HMBOX1: variants seen among roughly 807,000 people sequenced by gnomAD.
HMBOX1 encodes homeobox containing 1.
Under a neutral mutation model 54.5 loss-of-function variants are expected in HMBOX1, and 14 were observed. The ratio of observed to expected loss-of-function variants is 0.26; its 90% CI spans 0.17 to 0.40. The LOEUF (loss-of-function observed/expected upper bound fraction) is 0.40, where lower values mean the gene tolerates loss of function less well. Among genes scored for constraint, HMBOX1 ranks in the 10% least tolerant of loss-of-function variants. HMBOX1 has a pLI of 1.00. For synonymous variants in HMBOX1, 160 were observed against 181.0 expected (o/e 0.88, Z 0.93); for missense variants, 332 against 514.4 (o/e 0.65, Z 3.43).
Position 28,937,505 on chromosome 8 carries a change from A to G in HMBOX1, c.-57-26306A>G, listed in dbSNP as rs575702411. 3.9e-5 allele frequency among the ~76,000 whole-genome samples: 6 copies of G among 152,330 alleles called. No individual in the cohort carries two copies. The East Asian group carries it at 1.2e-3, about 29-fold the overall frequency. ...AAAAGTCCTTTTTGTTTATGAAAAT[A>G]GAGTGCAACCCAACACATTTTCTTC... is the stretch of plus-strand genomic sequence containing the variant. On this transcript the variant is annotated intron_variant, in intron 1 of 9. Transcript: ENST00000287701.
chr8:28,966,398 G>A (rs1305953144), intron 2 of HMBOX1, among the ~76,000 whole-genome samples: 1 of 152,022 alleles, frequency 6.6e-6, no homozygotes, highest in Non-Finnish European at 1.5e-5. Flanking sequence ...ATTATTGTTG[G>A]CCTGAGTCTG....
At chr8:28,954,739 G>A (rs1053475892) in intron 1 of HMBOX1, among the ~76,000 whole-genome samples, 11 of 152,106 alleles carry the variant, frequency 7.2e-5, no homozygotes, top group African/African-American at 2.7e-4. Context: ...CCCTAATGAT[G>A]TACTTACACG....
chr8:28,979,463 T>C (rs17525498), intron 3 of HMBOX1, among the ~76,000 whole-genome samples: 6,521 of 152,330 alleles, frequency 0.043, 211 homozygotes, highest in Middle Eastern at 0.071. Context: ...AATGCCTTTT[T>C]AGTACTAAAA....
At chr8:28,947,368 A>G (rs1053441745) in intron 1 of HMBOX1, among the ~76,000 whole-genome samples, 19 of 152,152 alleles carry the variant, frequency 1.2e-4, no homozygotes, top group African/African-American at 4.3e-4. Context: ...GGTTATTCTG[A>G]ATTATATATT....
chr8:28,965,017 T>A (rs540821231), intron 2 of HMBOX1, among the ~76,000 whole-genome samples: 1 of 152,346 alleles, frequency 6.6e-6, no homozygotes, highest in South Asian at 2.1e-4. Flanking sequence ...GCCTAGAAGT[T>A]TCTGAGATAG....
chr8:29,051,245 T>C lies in HMBOX1; in HGVS notation c.*90T>C, dbSNP rs1375499914. 27 of 1,415,272 alleles carry C rather than the reference T, an allele frequency of 1.9e-5. No homozygotes were observed. Among genetic ancestry groups the C allele is most frequent in the Non-Finnish European group, 2.6e-5 (27 of 1,030,216 alleles). The allele number at this position is 1,415,272 out of a possible 1,614,324, so 87.7% of individuals were successfully genotyped here. Reference sequence around the variant, plus strand: ...GTCCTTAACATGTGTTCTTACAGTATAACTTGCAGTTTCTTGTATGTCAGG... The same window carrying C: ...GTCCTTAACATGTGTTCTTACAGTACAACTTGCAGTTTCTTGTATGTCAGG... On this transcript the variant is annotated 3_prime_UTR_variant, in exon 10 of 10. Transcript: ENST00000287701.
intron 1 of HMBOX1, among the ~76,000 whole-genome samples, chr8:28,938,234 C>T (rs1329121684): frequency 6.6e-6 from 1 of 152,248 alleles, no homozygotes; most frequent in South Asian, 2.1e-4. Context: ...GTTTTATCTG[C>T]AAAATCGAGA....
At chr8:28,890,939 C>T (rs1242220183) in intron 1 of HMBOX1, 1 of 152,242 alleles carries the variant, frequency 6.6e-6, no homozygotes, top group African/African-American at 2.4e-5. Context: ...CTTCTGGTTT[C>T]CTCTACGATG....
intron 5 of HMBOX1, among the ~76,000 whole-genome samples, chr8:29,015,749 T>C (rs896435049): frequency 6.6e-6 from 1 of 152,074 alleles, no homozygotes; most frequent in African/African-American, 2.4e-5. Context: ...AAACCAGGGG[T>C]TGGCAAACTT....
chr8:29,003,052 C>T (rs527641065), intron 4 of HMBOX1, among the ~76,000 whole-genome samples: 4 of 150,460 alleles, frequency 2.7e-5, no homozygotes, highest in Non-Finnish European at 5.9e-5. Context: ...GCTTATACTA[C>T]GGTTAGAGTA....
At chr8:28,959,237 C>T (rs1051751400) in intron 1 of HMBOX1, among the ~76,000 whole-genome samples, 4 of 151,674 alleles carry the variant, frequency 2.6e-5, no homozygotes, top group African/African-American at 9.7e-5. Context: ...CATCATTATT[C>T]TTGAGCTTTG....
intron 3 of HMBOX1, among the ~76,000 whole-genome samples, chr8:28,975,537 C>T (rs528102079): frequency 1.3e-5 from 2 of 152,196 alleles, no homozygotes; most frequent in Admixed American, 6.5e-5. Flanking sequence ...GGAAGAATTT[C>T]ATCCTGGTGT....
chr8:28,948,084 G>A (rs909758619), intron 1 of HMBOX1, among the ~76,000 whole-genome samples: 2 of 152,006 alleles, frequency 1.3e-5, no homozygotes, highest in Non-Finnish European at 2.9e-5. Flanking sequence ...CACTGTACCA[G>A]GCCTAACCTA....
intron 1 of HMBOX1, among the ~76,000 whole-genome samples, chr8:28,913,792 G>T (rs913041440): frequency 3.3e-5 from 5 of 150,216 alleles, no homozygotes; most frequent in African/African-American, 9.8e-5. Flanking sequence ...TCACTCTGTC[G>T]CCCAGGCTGG....
chr8:29,045,496 A>G (rs755328280), intron 7 of HMBOX1, 53 bp downstream of exon 7: 3 of 1,431,914 alleles, frequency 2.1e-6, no homozygotes, highest in Non-Finnish European at 3.0e-6. Context: ...GCTTGGTTAC[A>G]GGTTGGCATC....
chr8:28,975,740 A>C (rs930987225), intron 3 of HMBOX1, among the ~76,000 whole-genome samples: 1 of 151,478 alleles, frequency 6.6e-6, no homozygotes, highest in Non-Finnish European at 1.5e-5. Flanking sequence ...GAAATCTTGA[A>C]GAGTGTGAGA....
intron 1 of HMBOX1, among the ~76,000 whole-genome samples, chr8:28,909,713 T>C (rs1008016396): frequency 6.6e-6 from 1 of 152,188 alleles, no homozygotes; most frequent in Admixed American, 6.5e-5. Context: ...ACTTGAGAAC[T>C]TCTTTAAAAA....
Position 29,014,780 on chromosome 8 carries a change from A to C in HMBOX1, c.698-3980A>C, listed in dbSNP as rs191947575. ...CTGCAACCTCTGCCTCCTGGGTTCA[A>C]GCGATTCTCCTGCCTCGGCCTCCTG... On this transcript the variant is annotated intron_variant, in intron 5 of 9. Coordinates refer to ENST00000287701, the MANE Select transcript of HMBOX1 (RefSeq NM_001135726.3). Among the ~76,000 whole-genome samples the C allele has an allele frequency of 1.7e-3, 253 of 152,070 alleles. 1 individual carries two copies. In the South Asian group the frequency reaches 0.033, roughly 20 times the overall value.
chr8:29,029,209 C>A (rs1421828460), intron 6 of HMBOX1, among the ~76,000 whole-genome samples: 1 of 152,064 alleles, frequency 6.6e-6, no homozygotes, highest in Non-Finnish European at 1.5e-5. Flanking sequence ...GATAGTGATG[C>A]TATTTTGTTT....
Sources: gnomAD v4.1 joint callset for allele counts (sites outside exome capture counted in the v4.1 genomes callset) on GRCh38, gnomAD v4.1.1 for gene constraint, MANE v1.5 for transcripts, NCBI Gene and HGNC (gene_info 2026-07-23, HGNC 2026-07-21) for gene names.